Variants in SPAG16 observed in about 807,000 individuals in gnomAD.
SPAG16 encodes sperm associated antigen 16, also known as sperm-associated antigen 16 protein.
SPAG16 carries 86 observed loss-of-function variants against 80.4 expected under a neutral mutation model. The observed-to-expected ratio is 1.07, with a 90% CI of 0.90 to 1.28. SPAG16 has a LOEUF of 1.28. Among genes scored for constraint, SPAG16 ranks in the 50% most tolerant of loss-of-function variants. The probability of loss-of-function intolerance (pLI) is 0.00; values close to 1 mark genes in which losing one functional copy is unlikely to be tolerated. For missense variants in SPAG16, 870 were observed against 765.3 expected (o/e 1.14, Z -1.61); for synonymous variants, 294 against 265.9 (o/e 1.11, Z -1.03).
At chr2:214,285,575 G>A (rs371790255) in intron 15 of SPAG16, among the ~76,000 whole-genome samples, 1 of 152,076 alleles carries the variant, frequency 6.6e-6, no homozygotes, top group Non-Finnish European at 1.5e-5. Flanking sequence ...TTGGGAGGCC[G>A]AGGTGGGCAA....
At chr2:213,886,889 A>C (rs1399668635) in intron 11 of SPAG16, among the ~76,000 whole-genome samples, 1 of 152,162 alleles carries the variant, frequency 6.6e-6, no homozygotes, top group Non-Finnish European at 1.5e-5. Flanking sequence ...ATATATCATA[A>C]CAGTTGGAGA....
At chr2:213,636,507 T>G (rs1559331206) in intron 10 of SPAG16, among the ~76,000 whole-genome samples, 2 of 152,224 alleles carry the variant, frequency 1.3e-5, no homozygotes, top group Non-Finnish European at 2.9e-5. Context: ...GTTGGTATTT[T>G]GATGGGAATT....
intron 15 of SPAG16, among the ~76,000 whole-genome samples, chr2:214,405,103 T>A (rs1336325291): frequency 6.6e-6 from 1 of 152,018 alleles, no homozygotes; most frequent in Non-Finnish European, 1.5e-5. Context: ...AGTGTGACAC[T>A]TATCTGAGTC....
intron 10 of SPAG16, among the ~76,000 whole-genome samples, chr2:213,782,297 A>T (rs1025610865): frequency 1.8e-4 from 27 of 152,184 alleles, no homozygotes; most frequent in Admixed American, 1.1e-3. Context: ...TAATAAAAAC[A>T]TTGATACTAA....
chr2:213,340,347 T>C, intron 6 of SPAG16, 77 bp downstream of exon 6: 1 of 1,030,968 alleles, frequency 9.7e-7, no homozygotes, highest in East Asian at 2.6e-5. Flanking sequence ...GACAAAGTTT[T>C]AGACAAAGTT....
chr2:214,299,052 C>T (rs1559193468), intron 15 of SPAG16, among the ~76,000 whole-genome samples: 1 of 151,848 alleles, frequency 6.6e-6, no homozygotes, highest in African/African-American at 2.4e-5. Flanking sequence ...CTTTAAGACC[C>T]CTTGTAAAGT....
At chr2:213,832,062 T>C (rs2125719481) in intron 10 of SPAG16, among the ~76,000 whole-genome samples, 1 of 152,190 alleles carries the variant, frequency 6.6e-6, no homozygotes, top group Non-Finnish European at 1.5e-5. Flanking sequence ...AGTGGCACAA[T>C]CTTGGCTCAC....
intron 9 of SPAG16, among the ~76,000 whole-genome samples, chr2:213,437,686 A>G (rs2070723246): frequency 6.6e-6 from 1 of 152,112 alleles, no homozygotes; most frequent in South Asian, 2.1e-4. Context: ...TCAATATTAT[A>G]CTTTTTTAAA....
At chr2:213,927,138 T>C (rs2078515997) in intron 11 of SPAG16, among the ~76,000 whole-genome samples, 1 of 152,210 alleles carries the variant, frequency 6.6e-6, no homozygotes, top group Non-Finnish European at 1.5e-5. Context: ...TCTCTTTCTC[T>C]GATTATAAAG....
intron 10 of SPAG16, among the ~76,000 whole-genome samples, chr2:213,837,328 C>T (rs563680376): frequency 3.9e-5 from 6 of 152,238 alleles, no homozygotes; most frequent in Admixed American, 3.3e-4. Flanking sequence ...TTTGTTATGT[C>T]CCAACACATG....
chr2:213,791,114 G>A (rs1303195843), intron 10 of SPAG16, among the ~76,000 whole-genome samples: 2 of 151,846 alleles, frequency 1.3e-5, no homozygotes, highest in African/African-American at 4.8e-5. Flanking sequence ...ATAGTAATAA[G>A]TGTTAAAATA....
intron 10 of SPAG16, among the ~76,000 whole-genome samples, chr2:213,655,042 A>G (rs765546807): frequency 1.6e-4 from 25 of 152,214 alleles, no homozygotes; most frequent in Non-Finnish European, 3.4e-4. Context: ...TGATACTACA[A>G]TGGTGGGTAC....
intron 9 of SPAG16, among the ~76,000 whole-genome samples, chr2:213,436,964 T>G (rs1174198694): frequency 3.9e-5 from 6 of 151,906 alleles, no homozygotes; most frequent in African/African-American, 1.5e-4. Flanking sequence ...CAGGCTGGAG[T>G]GCAGTGGCAT....
At chr2:213,921,323 G>A (rs1253541968) in intron 11 of SPAG16, among the ~76,000 whole-genome samples, 1 of 152,178 alleles carries the variant, frequency 6.6e-6, no homozygotes, top group African/African-American at 2.4e-5. Flanking sequence ...TCTAAAACTA[G>A]GATTGCAACC....
At chr2:213,370,103 G>T (rs924479339) in intron 8 of SPAG16, among the ~76,000 whole-genome samples, 1 of 152,098 alleles carries the variant, frequency 6.6e-6, no homozygotes, top group South Asian at 2.1e-4. Context: ...AGTAGTATCA[G>T]TTATGCACAG....
intron 11 of SPAG16, among the ~76,000 whole-genome samples, chr2:213,918,366 T>G (rs1264559557): frequency 6.6e-6 from 1 of 151,976 alleles, no homozygotes; most frequent in Non-Finnish European, 1.5e-5. Flanking sequence ...ATTGTATACA[T>G]ATGGTAGAAT....
chr2:214,157,657 GT>G (rs759384422), intron 15 of SPAG16, among the ~76,000 whole-genome samples: 4 of 152,086 alleles, frequency 2.6e-5, no homozygotes, highest in Non-Finnish European at 4.4e-5. Flanking sequence ...TGTCATATCA[GT>G]TATTAAATAT....
At chr2:214,053,741 G>A (rs1575992947) in intron 13 of SPAG16, among the ~76,000 whole-genome samples, 2 of 152,278 alleles carry the variant, frequency 1.3e-5, no homozygotes, top group East Asian at 3.9e-4. Context: ...GCAGAAAGAA[G>A]TAGCTTGACC....
intron 10 of SPAG16, among the ~76,000 whole-genome samples, chr2:213,832,004 A>T (rs2073689109): frequency 1.3e-5 from 2 of 151,620 alleles, no homozygotes; most frequent in Non-Finnish European, 1.5e-5. Flanking sequence ...TTATTTTTTT[A>T]ATTTTTTATT....
Sources: allele counts gnomAD v4.1 joint callset (sites outside exome capture counted in the v4.1 genomes callset), GRCh38; gene constraint gnomAD v4.1.1; transcripts MANE v1.5; gene names NCBI Gene and HGNC (gene_info 2026-07-23, HGNC 2026-07-21).